The following CDH4 variants were observed in gnomAD, a reference collection of about 807,000 sequenced individuals.
CDH4 encodes cadherin-4.
Under a neutral mutation model 86.0 loss-of-function variants are expected in CDH4, and 33 were observed. The ratio of observed to expected loss-of-function variants is 0.38; its 90% confidence interval spans 0.29 to 0.51. The LOEUF (loss-of-function observed/expected upper bound fraction) is 0.51. CDH4 is among the 20% of genes least tolerant of loss of function. CDH4 has a pLI of 0.86. For synonymous variants in CDH4, 555 were observed against 549.4 expected, an observed-to-expected ratio of 1.01 and a Z score of -0.14; for missense variants, 1,114 against 1,307.4, an observed-to-expected ratio of 0.85 and a Z score of 2.28.
At chr20:61,397,233 G>A (rs1003454375) in intron 2 of CDH4, among the ~76,000 whole-genome samples, 8 of 152,134 alleles carry the variant, frequency 5.3e-5, no homozygotes, top group African/African-American at 1.9e-4. Flanking sequence ...TTATTTAAAT[G>A]AGGAAAAACC....
intron 4 of CDH4, among the ~76,000 whole-genome samples, chr20:61,801,116 A>G (rs1979808135): frequency 6.6e-6 from 1 of 152,084 alleles, no homozygotes; most frequent in Non-Finnish European, 1.5e-5. Context: ...AGTCCTCAAG[A>G]CGCCACAGCA....
chr20:61,597,108 G>A (rs1395482134), intron 2 of CDH4, among the ~76,000 whole-genome samples: 2 of 152,266 alleles, frequency 1.3e-5, no homozygotes, highest in Non-Finnish European at 2.9e-5. Context: ...TGTGCTGGGA[G>A]ATGAGCACTC....
At chr20:61,410,186 A>T (rs1483353402) in intron 2 of CDH4, among the ~76,000 whole-genome samples, 1 of 152,212 alleles carries the variant, frequency 6.6e-6, no homozygotes, top group Non-Finnish European at 1.5e-5. Flanking sequence ...GGAAAAGAAG[A>T]GTAACTTGTG....
intron 2 of CDH4, among the ~76,000 whole-genome samples, chr20:61,304,208 T>A (rs2084401703): frequency 1.3e-5 from 2 of 152,020 alleles, no homozygotes; most frequent in African/African-American, 4.8e-5. Context: ...TCTCTGCCCA[T>A]CCTCCGAACG....
At chr20:61,863,532 G>A (rs1049982413) in intron 6 of CDH4, among the ~76,000 whole-genome samples, 2 of 152,188 alleles carry the variant, frequency 1.3e-5, no homozygotes, top group African/African-American at 2.4e-5. Context: ...CATCTTTCCT[G>A]CAGGGAGCCC....
At position 61,282,549 on chromosome 20, in the gene CDH4, G is replaced by GTGCA. The variant is rs1401653211; in HGVS notation, c.169+27614_169+27615insCATG. Among the ~76,000 whole-genome samples, 961 of 102,236 alleles carry GTGCA rather than the reference G, an allele frequency of 9.4e-3. 11 individuals carry two copies. The highest frequency in any genetic ancestry group is 0.028 in the African/African-American group (916 of 32,636). The allele number at this position is 102,236 out of a possible 152,430, so 67.1% of individuals were successfully genotyped here. On this transcript the variant is annotated intron_variant, in intron 2 of 15. Transcript: ENST00000614565. ...AATCTTTGGCATGGTGTGTGTGCAT[G>GTGCA]TGTGTGTGTGTGTGTGTGTGTGTAT... is the stretch of plus-strand genomic sequence containing the variant.
chr20:61,857,768 C>G (rs556343817), intron 6 of CDH4, among the ~76,000 whole-genome samples: 86 of 152,402 alleles, frequency 5.6e-4, no homozygotes, highest in African/African-American at 1.9e-3. Context: ...CCAGCCTCCC[C>G]CAAGGGTGAT....
rs536479434 is a variant in CDH4 at position 61,829,930 on chromosome 20, A to T, written c.577-14738A>T. Among the ~76,000 whole-genome samples, 3 of 151,990 alleles carry T rather than the reference A, an allele frequency of 2.0e-5. No homozygotes were observed. The highest frequency in any genetic ancestry group is 3.4e-3 in the Middle Eastern group (1 of 294). ...CTGCCCGGCCGGCCCTGGGGCTGGG[A>T]GGCAGGTGTGGGAAGTGCAGGTGGG... On this transcript the variant is annotated intron_variant, in intron 4 of 15. Coordinates refer to ENST00000614565, the MANE Select transcript of CDH4 (RefSeq NM_001794.5). This position sits in a 1 kb window ranked among gnomAD's most constrained non-coding sequence, Gnocchi z 4.2.
At chr20:61,914,815 C>A (rs184501186) in intron 9 of CDH4, among the ~76,000 whole-genome samples, 1 of 152,142 alleles carries the variant, frequency 6.6e-6, no homozygotes, top group African/African-American at 2.4e-5. Flanking sequence ...TCACAGCTGC[C>A]GTCTTCCCCA....
At chr20:61,812,065 C>A (rs907631878) in intron 4 of CDH4, among the ~76,000 whole-genome samples, 1 of 152,134 alleles carries the variant, frequency 6.6e-6, no homozygotes, top group Non-Finnish European at 1.5e-5. Flanking sequence ...GTTTCTCCCC[C>A]GCTGCGGGGG....
chr20:61,491,183 G>A (rs528495931), intron 2 of CDH4, among the ~76,000 whole-genome samples: 7 of 152,296 alleles, frequency 4.6e-5, no homozygotes, highest in African/African-American at 7.2e-5. Flanking sequence ...AGAAGTGTGC[G>A]CATAGTGTGG....
intron 2 of CDH4, among the ~76,000 whole-genome samples, chr20:61,353,632 CTCCT>C (rs2084727126): frequency 2.3e-3 from 1 of 436 alleles, no homozygotes; most frequent in Non-Finnish European, 5.8e-3. Flanking sequence ...CCTCCTCATC[CTCCT>C]CCTCTTCCCC....
At chr20:61,866,029 C>T (rs1983533034) in intron 6 of CDH4, among the ~76,000 whole-genome samples, 1 of 152,182 alleles carries the variant, frequency 6.6e-6, no homozygotes, top group Non-Finnish European at 1.5e-5. Flanking sequence ...TACCCTGTCA[C>T]CACCAGCATC....
chr20:61,389,746 T>A (rs59969792), intron 2 of CDH4, among the ~76,000 whole-genome samples: 31,688 of 151,988 alleles, frequency 0.21, 3,593 homozygotes, highest in East Asian at 0.41. Flanking sequence ...CTGCGGAACA[T>A]CCTGCTGTGC....
intron 2 of CDH4, among the ~76,000 whole-genome samples, chr20:61,283,503 C>G (rs1238635606): frequency 8.8e-6 from 1 of 113,998 alleles, no homozygotes; most frequent in African/African-American, 3.2e-5. Context: ...TGCATTTGCA[C>G]GCGTGTGCTG....
At chr20:61,471,771 G>A (rs1016736864) in intron 2 of CDH4, among the ~76,000 whole-genome samples, 3 of 151,970 alleles carry the variant, frequency 2.0e-5, no homozygotes, top group Admixed American at 6.6e-5. Flanking sequence ...GCCCACTGGA[G>A]CATTATTCAG....
intron 3 of CDH4, among the ~76,000 whole-genome samples, chr20:61,770,800 A>G (rs2088765379): frequency 1.3e-5 from 2 of 151,094 alleles, no homozygotes; most frequent in Non-Finnish European, 1.5e-5. Context: ...GGAGAATGGC[A>G]TGAGCCCGGG....
intron 2 of CDH4, among the ~76,000 whole-genome samples, chr20:61,609,619 T>C (rs1465132500): frequency 6.6e-6 from 1 of 152,128 alleles, no homozygotes; most frequent in Non-Finnish European, 1.5e-5. Flanking sequence ...TTCCAGGAGA[T>C]GTCACGTGCT....
At chr20:61,302,404 A>G (rs2084390552) in intron 2 of CDH4, among the ~76,000 whole-genome samples, 1 of 152,258 alleles carries the variant, frequency 6.6e-6, no homozygotes, top group Admixed American at 6.5e-5. Flanking sequence ...AGTGATGAAC[A>G]AGCTTAACGC....
Sources: gnomAD v4.1 joint callset for allele counts (sites outside exome capture counted in the v4.1 genomes callset) on GRCh38, gnomAD v4.1.1 for gene constraint, Gnocchi (gnomAD v3.1) non-coding constraint, MANE v1.5 for transcripts, NCBI Gene and HGNC (gene_info 2026-07-23, HGNC 2026-07-21) for gene names.